The following MAPK8 variants were observed in gnomAD, a reference collection of about 807,000 sequenced individuals.
MAPK8 encodes the protein JUN N-terminal kinase.
In MAPK8, 13 loss-of-function variants were observed where a neutral mutation model predicts 52.9. The ratio of observed to expected loss-of-function variants is 0.25; its 90% CI spans 0.16 to 0.39. The LOEUF is 0.39. Ranked by LOEUF, MAPK8 falls within the 10% of genes least tolerant of loss-of-function variation. The pLI, the probability that MAPK8 is intolerant of heterozygous loss-of-function variation, is 1.00. For missense variants in MAPK8, 300 were observed against 519.2 expected (o/e 0.58, Z 4.10); for synonymous variants, 191 against 169.8 (o/e 1.12, Z -0.97).
intron 1 of MAPK8, among the ~76,000 whole-genome samples, chr10:48,396,893 A>AT (rs1004035335): frequency 2.6e-5 from 4 of 152,004 alleles, no homozygotes; most frequent in Non-Finnish European, 4.4e-5. Flanking sequence ...TTTTACAACT[A>AT]TTTTTTTCCC....
Position 48,433,190 on chromosome 10 carries a change from C to G in MAPK8, c.1139-1694C>G, listed in dbSNP as rs190929119. ...TTACTGTATTGCTTTAAAGAGAAAA[C>G]AAGTGTGTGTTTTTTCCCCTTAGGT... is the stretch of plus-strand genomic sequence containing the variant. On this transcript the variant is annotated intron_variant, in intron 11 of 11. Transcript: ENST00000374189. 1.3e-4 allele frequency among the ~76,000 whole-genome samples: 20 copies of G among 152,248 alleles called. No individual in the cohort carries two copies. In the East Asian group the frequency reaches 3.9e-3, roughly 29 times the overall value.
chr10:48,328,963 T>TA (rs1843817747), intron 1 of MAPK8, among the ~76,000 whole-genome samples: 1 of 152,380 alleles, frequency 6.6e-6, no homozygotes, highest in Admixed American at 6.5e-5. Context: ...CATTACTTAG[T>TA]AAAGCGTTTC....
At chr10:48,322,006 G>C (rs1843045538) in intron 1 of MAPK8, among the ~76,000 whole-genome samples, 1 of 152,186 alleles carries the variant, frequency 6.6e-6, no homozygotes, top group Non-Finnish European at 1.5e-5. Flanking sequence ...GAAAACCTAT[G>C]GTGTCTCCCC....
Position 48,409,837 on chromosome 10 carries a change from G to T in MAPK8, c.253-42G>T, listed in dbSNP as rs767102772. On this transcript the variant is annotated intron_variant, in intron 3 of 11. Coordinates refer to ENST00000374189, the MANE Select transcript of MAPK8 (RefSeq NM_001323329.2). ...TGTAGTTCCCAAATTAAAATATTAT[G>T]AAGTAATTTCTAATTTTTCTGTCTC... 3.8e-6 allele frequency: 5 copies of T among 1,309,954 alleles called. No homozygotes were observed. The Admixed American group carries it at 7.6e-5, about 20-fold the overall frequency. 81.1% of individuals were successfully genotyped at this position (1,309,954 alleles called of 1,614,324 possible).
At chr10:48,425,317 T>C (rs2043613118) in intron 7 of MAPK8, 1 of 569,590 alleles carries the variant, frequency 1.8e-6, no homozygotes, top group African/African-American at 2.0e-5. Flanking sequence ...AAAAACTGAA[T>C]CTTTTTTATA....
chr10:48,435,294 TA>T lies in MAPK8; in HGVS notation c.*268del. ...TAAACCTAATTATTTTATCATGGTT[TA>T]AATTTTTTGCATATTTGCTTTATCT... On this transcript the variant is annotated 3_prime_UTR_variant, in exon 12 of 12. Coordinates refer to ENST00000374189, the MANE Select transcript of MAPK8 (RefSeq NM_001323329.2). The T allele has an allele frequency of 3.0e-6, 1 of 334,732 alleles. No homozygotes were observed. The highest frequency in any genetic ancestry group is 5.4e-6 in the Non-Finnish European group (1 of 186,732). 20.7% of individuals were successfully genotyped at this position (334,732 alleles called of 1,614,324 possible).
intron 1 of MAPK8, among the ~76,000 whole-genome samples, chr10:48,312,693 G>A (rs1471806405): frequency 6.6e-6 from 1 of 152,210 alleles, no homozygotes; most frequent in African/African-American, 2.4e-5. Flanking sequence ...AGCTACTGCT[G>A]TGTGGATTTT....
chr10:48,337,444 G>T (rs997160351), intron 1 of MAPK8, among the ~76,000 whole-genome samples: 2 of 151,984 alleles, frequency 1.3e-5, no homozygotes, highest in Non-Finnish European at 2.9e-5. Flanking sequence ...AAACCTCTAG[G>T]ATATAGCAAA....
At chr10:48,338,855 A>G (rs1052290571) in intron 1 of MAPK8, among the ~76,000 whole-genome samples, 1 of 151,708 alleles carries the variant, frequency 6.6e-6, no homozygotes, top group African/African-American at 2.4e-5. Flanking sequence ...CACACACACA[A>G]TATCTAGAAT....
intron 1 of MAPK8, among the ~76,000 whole-genome samples, chr10:48,333,500 C>G (rs1844344946): frequency 1.3e-5 from 2 of 152,226 alleles, no homozygotes; most frequent in South Asian, 4.1e-4. Context: ...CTCCAAGGGC[C>G]ATGCCCTAGT....
At chr10:48,425,799 T>C (rs1303375767) in intron 7 of MAPK8, 89 bp from the exon 8 acceptor site, 17 of 823,848 alleles carry the variant, frequency 2.1e-5, no homozygotes, top group Non-Finnish European at 3.0e-5. Flanking sequence ...TTCTTAGGAA[T>C]TTTTAAATTT....
In MAPK8 at chr10:48,413,815, T is replaced by TTATATATATATATA. The variant is rs59042608; in HGVS notation, c.450+3679_450+3692dup. Among the ~76,000 whole-genome samples, 107 of 48,334 alleles carry TTATATATATATATA rather than the reference T, an allele frequency of 2.2e-3. 2 individuals carry two copies. The highest frequency in any genetic ancestry group is 2.7e-3 in the Non-Finnish European group (62 of 22,904). 31.7% of individuals were successfully genotyped at this position (48,334 alleles called of 152,430 possible). A position where few individuals can be genotyped will look rare whatever the true frequency, so the allele number is the denominator to read the frequency against. On this transcript the variant is annotated intron_variant, in intron 5 of 11. Coordinates refer to ENST00000374189, the MANE Select transcript of MAPK8 (RefSeq NM_001323329.2). ...CAAAATTGAGTATTTGCCAGAATTG[T>TTATATATATATATA]TATATATATATATATATATATATAT...
intron 1 of MAPK8, among the ~76,000 whole-genome samples, chr10:48,369,412 C>T (rs1312236479): frequency 6.6e-6 from 1 of 152,094 alleles, no homozygotes; most frequent in Non-Finnish European, 1.5e-5. Context: ...GAAGTAGCAT[C>T]GCAGCAAATT....
intron 1 of MAPK8, among the ~76,000 whole-genome samples, chr10:48,314,396 G>A (rs1249517216): frequency 2.6e-5 from 4 of 152,102 alleles, no homozygotes; most frequent in Admixed American, 6.6e-5. Context: ...TGAATTTGGA[G>A]GGACACAGAC....
chr10:48,365,543 T>C (rs1018047695), intron 1 of MAPK8, among the ~76,000 whole-genome samples: 1 of 152,174 alleles, frequency 6.6e-6, no homozygotes, highest in African/African-American at 2.4e-5. Context: ...TCAGTACTAT[T>C]ACCGCATTTA....
In MAPK8 at chr10:48,437,167, A is replaced by G. The variant is rs1310967905; in HGVS notation, c.*2138A>G. 1.3e-5 allele frequency: 2 copies of G among 152,246 alleles called. No individual in the cohort carries two copies. The highest frequency in any genetic ancestry group is 4.8e-5 in the African/African-American group (2 of 41,474). 9.4% of individuals were successfully genotyped at this position (152,246 alleles called of 1,614,324 possible). On this transcript the variant is annotated 3_prime_UTR_variant, in exon 12 of 12. Transcript: ENST00000374189. ...TGTTCAGTTCAATTCAAAGAAAACA[A>G]ACTCTCATTACTTAGTGTAAACTAA...
chr10:48,377,070 C>G (rs2040712324), intron 1 of MAPK8, among the ~76,000 whole-genome samples: 1 of 152,102 alleles, frequency 6.6e-6, no homozygotes, highest in Non-Finnish European at 1.5e-5. Context: ...TTTGCAGGGA[C>G]ATGGGTGAAG....
At chr10:48,387,510 AT>A (rs1354064018) in intron 1 of MAPK8, among the ~76,000 whole-genome samples, 1 of 152,148 alleles carries the variant, frequency 6.6e-6, no homozygotes, top group Admixed American at 6.6e-5. Flanking sequence ...AAGATTATAT[AT>A]TTTTATAAGA....
At chr10:48,420,863 G>T (rs1449117561) in intron 6 of MAPK8, among the ~76,000 whole-genome samples, 1 of 152,172 alleles carries the variant, frequency 6.6e-6, no homozygotes, top group African/African-American at 2.4e-5. Flanking sequence ...ATGACTTTTA[G>T]TATTTTGTAT....
Sources: gnomAD v4.1 joint callset for allele counts (sites outside exome capture counted in the v4.1 genomes callset) on GRCh38, gnomAD v4.1.1 for gene constraint, MANE v1.5 for transcripts, NCBI Gene and HGNC (gene_info 2026-07-23, HGNC 2026-07-21) for gene names.